The following PPP6R3 variants were observed in gnomAD, a reference collection of about 807,000 sequenced individuals.
PPP6R3 encodes protein phosphatase 6 regulatory subunit 3, also known as serine/threonine-protein phosphatase 6 regulatory subunit 3.
PPP6R3 carries 38 observed loss-of-function variants against 110.7 expected under a neutral mutation model. The ratio of observed to expected loss-of-function variants is 0.34; its 90% CI spans 0.26 to 0.45. The LOEUF is 0.45. Ranked by LOEUF, PPP6R3 falls within the 20% of genes least tolerant of loss-of-function variation. The pLI is 1.00. For missense variants in PPP6R3, 870 were observed against 1,062.4 expected (o/e 0.82, Z 2.52); for synonymous variants, 369 against 373.5 (o/e 0.99, Z 0.14).
intron 10 of PPP6R3, among the ~76,000 whole-genome samples, chr11:68,568,288 C>T (rs1374533474): frequency 6.6e-6 from 1 of 152,170 alleles, no homozygotes; most frequent in African/African-American, 2.4e-5. Flanking sequence ...GTTCCTAAGT[C>T]ATTGATCACT....
intron 1 of PPP6R3, among the ~76,000 whole-genome samples, chr11:68,503,314 C>G (rs1480183998): frequency 6.6e-6 from 1 of 152,190 alleles, no homozygotes; most frequent in Admixed American, 6.5e-5. Flanking sequence ...AATCTCCCAG[C>G]GCTTTGTTTT....
intron 22 of PPP6R3, 57 bp downstream of exon 22, chr11:68,603,549 A>G: frequency 6.2e-7 from 1 of 1,602,566 alleles, no homozygotes; most frequent in Non-Finnish European, 8.5e-7. Flanking sequence ...ATGGTGGGGC[A>G]GAAACCTCAA....
intron 11 of PPP6R3, 70 bp from the exon 12 acceptor site, chr11:68,570,970 G>A (rs974886639): frequency 1.4e-5 from 22 of 1,523,824 alleles, no homozygotes; most frequent in Non-Finnish European, 1.7e-5. Flanking sequence ...CTTTAACCTA[G>A]AGTTCTGTTT....
intron 1 of PPP6R3, among the ~76,000 whole-genome samples, chr11:68,484,481 C>G (rs2098933834): frequency 6.6e-6 from 1 of 151,948 alleles, no homozygotes; most frequent in South Asian, 2.1e-4. Context: ...TTTTCAAATG[C>G]TTACTTGCTG....
At chr11:68,545,748 A>G (rs548472981) in intron 4 of PPP6R3, among the ~76,000 whole-genome samples, 1 of 152,310 alleles carries the variant, frequency 6.6e-6, no homozygotes, top group African/African-American at 2.4e-5. Context: ...CTTCCAGCTA[A>G]CTCTGATGCA....
At chr11:68,542,078 C>A (rs142789172) in intron 3 of PPP6R3, among the ~76,000 whole-genome samples, 1 of 147,974 alleles carries the variant, frequency 6.8e-6, no homozygotes, top group Non-Finnish European at 1.5e-5. Flanking sequence ...CCTGTGAGAA[C>A]GTTGCAGCAC....
At chr11:68,587,711 A>G (rs1157366511) in intron 15 of PPP6R3, 2 of 622,650 alleles carry the variant, frequency 3.2e-6, no homozygotes, top group South Asian at 1.8e-5. Flanking sequence ...TTACAGTGAC[A>G]TGTGCATTAG....
intron 1 of PPP6R3, among the ~76,000 whole-genome samples, chr11:68,517,004 A>G (rs2099140398): frequency 6.6e-6 from 1 of 152,038 alleles, no homozygotes; most frequent in Non-Finnish European, 1.5e-5. Flanking sequence ...TCTTTGTGCC[A>G]GGGTCATGCC....
At chr11:68,571,723 T>A (rs2099508357) in intron 12 of PPP6R3, among the ~76,000 whole-genome samples, 1 of 152,184 alleles carries the variant, frequency 6.6e-6, no homozygotes, top group South Asian at 2.1e-4. Context: ...CATGGTGGCA[T>A]AAGGGCGTGT....
intron 1 of PPP6R3, among the ~76,000 whole-genome samples, chr11:68,480,704 G>A (rs996628190): frequency 2.0e-5 from 3 of 152,110 alleles, no homozygotes; most frequent in Non-Finnish European, 2.9e-5. Flanking sequence ...GTCTTGATAC[G>A]TCCAAATAAC....
chr11:68,497,201 C>T (rs1221061432), intron 1 of PPP6R3, among the ~76,000 whole-genome samples: 4 of 130,870 alleles, frequency 3.1e-5, no homozygotes, highest in Non-Finnish European at 4.8e-5. Flanking sequence ...TGCCCGCCAC[C>T]ACGCCCGGCT....
intron 1 of PPP6R3, among the ~76,000 whole-genome samples, chr11:68,481,380 C>G (rs533327752): frequency 6.6e-6 from 1 of 152,270 alleles, no homozygotes; most frequent in African/African-American, 2.4e-5. Flanking sequence ...CTGCTGATCC[C>G]AGAAGCATAG....
intron 18 of PPP6R3, among the ~76,000 whole-genome samples, chr11:68,594,299 G>GGAGAGA (rs748973539): frequency 4.4e-4 from 61 of 139,310 alleles, no homozygotes; most frequent in South Asian, 4.2e-3. Context: ...AGAGGAGAGA[G>GGAGAGA]GAGAGAGAGA....
chr11:68,581,182 G>A (rs1231362826), intron 14 of PPP6R3, among the ~76,000 whole-genome samples: 1 of 152,196 alleles, frequency 6.6e-6, no homozygotes, highest in African/African-American at 2.4e-5. Flanking sequence ...TGTGTGCATT[G>A]TGTTACTAAT....
In PPP6R3 at chr11:68,480,238, GTTTC is replaced by G. The variant is rs1256803084; in HGVS notation, c.-158+19417_-158+19420del. On this transcript the variant is annotated intron_variant, in intron 1 of 23. Transcript: ENST00000393800. ...TGCTTTTCTGCTCTGATCTTTTGAT[GTTTC>G]TTTCTGAAAACTTATTTCCTCTTGT... 2.6e-5 allele frequency among the ~76,000 whole-genome samples: 4 copies of G among 152,244 alleles called. No homozygotes were observed. In the East Asian group the frequency reaches 5.8e-4, roughly 22 times the overall value.
At chr11:68,549,011 C>G (rs2099360225) in intron 5 of PPP6R3, among the ~76,000 whole-genome samples, 1 of 152,196 alleles carries the variant, frequency 6.6e-6, no homozygotes, top group South Asian at 2.1e-4. Context: ...TTGTCTCAGT[C>G]TCCTGAGTAG....
At chr11:68,520,793 A>T (rs568175851) in intron 2 of PPP6R3, among the ~76,000 whole-genome samples, 1 of 152,102 alleles carries the variant, frequency 6.6e-6, no homozygotes, top group South Asian at 2.1e-4. Flanking sequence ...GTTTTCTGAG[A>T]TAGGGTCTTG....
intron 22 of PPP6R3, 82 bp downstream of exon 22, chr11:68,603,574 A>G (rs1220879656): frequency 2.6e-6 from 4 of 1,515,516 alleles, no homozygotes; most frequent in African/African-American, 2.8e-5. Context: ...TAAAATTTTT[A>G]ATTTGATTCA....
At chr11:68,558,844 T>C (rs556416046) in intron 8 of PPP6R3, among the ~76,000 whole-genome samples, 165 bp downstream of exon 8, 3 of 152,358 alleles carry the variant, frequency 2.0e-5, no homozygotes, top group African/African-American at 7.2e-5. Flanking sequence ...ATACCACATA[T>C]TGGGATGCAG....
Sources: gnomAD v4.1 joint callset for allele counts (sites outside exome capture counted in the v4.1 genomes callset) on GRCh38, gnomAD v4.1.1 for gene constraint, MANE v1.5 for transcripts, NCBI Gene and HGNC (gene_info 2026-07-23, HGNC 2026-07-21) for gene names.